KDM7A: variants seen among roughly 807,000 people sequenced by gnomAD.
KDM7A encodes lysine demethylase 7A.
KDM7A carries 28 observed loss-of-function variants against 114.8 expected under a neutral mutation model. That is an observed-to-expected ratio of 0.24 (90% CI 0.18 to 0.33). The LOEUF (loss-of-function observed/expected upper bound fraction) is 0.33, where lower values mean the gene tolerates loss of function less well. Ranked by LOEUF, KDM7A falls within the 10% of genes least tolerant of loss-of-function variation. KDM7A has a pLI of 1.00. For missense variants in KDM7A, 942 were observed against 1,142.5 expected (o/e 0.82, Z 2.53); for synonymous variants, 423 against 397.8 (o/e 1.06, Z -0.75).
At chr7:140,128,682 T>C (rs1233576262) in intron 4 of KDM7A, among the ~76,000 whole-genome samples, 2 of 152,234 alleles carry the variant, frequency 1.3e-5, no homozygotes, top group African/African-American at 4.8e-5. Flanking sequence ...TCAATGAGAA[T>C]TGTCAACCAA....
At position 140,162,492 on chromosome 7, in the gene KDM7A, A is replaced by T. The variant is rs377692060; in HGVS notation, c.194+14252T>A. Among the ~76,000 whole-genome samples the T allele has an allele frequency of 2.0e-5, 3 of 152,328 alleles. No individual in the cohort carries two copies. The South Asian group carries it at 6.2e-4, about 32-fold the overall frequency. On this transcript the variant is annotated intron_variant, in intron 1 of 19. Coordinates refer to ENST00000397560, the MANE Select transcript of KDM7A (RefSeq NM_030647.2). ...AGACTGTTTTATCCCTCTTCCCCAT[A>T]ATAAAATATAAACTGGACATAAGAT...
intron 1 of KDM7A, among the ~76,000 whole-genome samples, chr7:140,141,568 A>G (rs973505840): frequency 2.6e-5 from 4 of 152,116 alleles, no homozygotes; most frequent in African/African-American, 9.7e-5. Context: ...CTCTATATCA[A>G]TATCTTATAT....
At chr7:140,102,528 G>A (rs1421498988) in intron 11 of KDM7A, among the ~76,000 whole-genome samples, 1 of 152,070 alleles carries the variant, frequency 6.6e-6, no homozygotes, top group Non-Finnish European at 1.5e-5. Context: ...GACTACAGGC[G>A]CACGCCACTG....
At chr7:140,112,930 T>A (rs1818456316) in intron 10 of KDM7A, among the ~76,000 whole-genome samples, 1 of 152,238 alleles carries the variant, frequency 6.6e-6, no homozygotes, top group Non-Finnish European at 1.5e-5. Flanking sequence ...GGAAAGCTCA[T>A]GCTTGAAATT....
intron 9 of KDM7A, among the ~76,000 whole-genome samples, chr7:140,116,274 A>ATG (rs1818528463): frequency 7.1e-6 from 1 of 141,692 alleles, no homozygotes; most frequent in Admixed American, 7.0e-5. Flanking sequence ...GTGTGTGTGT[A>ATG]TATCATAGTA....
intron 10 of KDM7A, among the ~76,000 whole-genome samples, chr7:140,112,708 A>G (rs1420807007): frequency 7.5e-6 from 1 of 133,950 alleles, no homozygotes; most frequent in East Asian, 1.9e-4. Flanking sequence ...CCATGGAGTT[A>G]TAATAAAGAT....
rs748514220 is a variant in KDM7A, at chr7:140,102,094, T to C, written c.1495A>G (p.Asn499Asp). The C allele has an allele frequency of 3.1e-6, 5 of 1,614,078 alleles. No homozygotes were observed. Among genetic ancestry groups the C allele is most frequent in the Admixed American group, 3.3e-5 (2 of 60,010 alleles). The change falls in exon 12 of 20, where the codon AAT (asparagine) becomes GAT (aspartate). Residue 499 changes from asparagine (N) to aspartate (D), a missense_variant. This residue lies in a region of KDM7A where 512 missense variants were observed against 576.6 expected (regional missense o/e 0.89). Transcript: ENST00000397560. ...GAATGGTATGGGGAAGTTGCTTCAT[T>C]TGAGGATCGTGAAACTGGACACACA... ...PIVCPVSRSS[N>D]EATSPYHSRR...
At chr7:140,108,937 C>T (rs963451135) in intron 11 of KDM7A, among the ~76,000 whole-genome samples, 2 of 152,204 alleles carry the variant, frequency 1.3e-5, no homozygotes, top group Non-Finnish European at 1.5e-5. Context: ...AGCTTCCTGG[C>T]TGCTTCATTT....
intron 11 of KDM7A, among the ~76,000 whole-genome samples, chr7:140,106,936 T>G (rs1231137966): frequency 6.6e-6 from 1 of 152,214 alleles, no homozygotes; most frequent in Non-Finnish European, 1.5e-5. Flanking sequence ...TTTTTGTAGG[T>G]CTCTAAGGAC....
At chr7:140,100,242 G>C (rs1818179299) in intron 12 of KDM7A, among the ~76,000 whole-genome samples, 1 of 152,172 alleles carries the variant, frequency 6.6e-6, no homozygotes, top group Non-Finnish European at 1.5e-5. Context: ...ACCATGAAAT[G>C]CATTCTAGAA....
intron 11 of KDM7A, among the ~76,000 whole-genome samples, chr7:140,107,325 T>G (rs1181795608): frequency 6.6e-6 from 1 of 152,232 alleles, no homozygotes; most frequent in African/African-American, 2.4e-5. Context: ...TGATGTTAGC[T>G]GCTTATTTTG....
At chr7:140,175,166 G>A (rs917690140) in intron 1 of KDM7A, among the ~76,000 whole-genome samples, 2 of 152,202 alleles carry the variant, frequency 1.3e-5, no homozygotes, top group African/African-American at 4.8e-5. Context: ...ATAATTTACT[G>A]TGTCTTGTTT....
intron 1 of KDM7A, among the ~76,000 whole-genome samples, chr7:140,141,229 G>C (rs1301173439): frequency 6.6e-6 from 1 of 152,184 alleles, no homozygotes; most frequent in African/African-American, 2.4e-5. Flanking sequence ...TCCTCAAAGT[G>C]ATTTATAGAT....
At chr7:140,122,695 A>G (rs1818634846) in intron 7 of KDM7A, among the ~76,000 whole-genome samples, 1 of 152,144 alleles carries the variant, frequency 6.6e-6, no homozygotes, top group Admixed American at 6.5e-5. Flanking sequence ...TTACATCTCA[A>G]AATGAGAGGC....
chr7:140,154,732 TTCTC>T (rs779082288), intron 1 of KDM7A, among the ~76,000 whole-genome samples: 4 of 151,582 alleles, frequency 2.6e-5, no homozygotes, highest in African/African-American at 4.8e-5. Context: ...CCTCGGGTCT[TTCTC>T]TCTCTCTCTC....
intron 1 of KDM7A, among the ~76,000 whole-genome samples, chr7:140,172,897 T>C (rs1489967781): frequency 2.6e-5 from 4 of 152,226 alleles, no homozygotes; most frequent in Admixed American, 1.3e-4. Context: ...TGGTAATCAC[T>C]GGAAGACATG....
At position 140,096,782 on chromosome 7, in the gene KDM7A, A is replaced by C. The variant is rs753329467; in HGVS notation, c.2166-19T>G. 1 of 1,607,066 alleles carries C rather than the reference A, an allele frequency of 6.2e-7. No individual in the cohort carries two copies. The highest frequency in any genetic ancestry group is 8.5e-7 in the Non-Finnish European group (1 of 1,175,784). ...ACATTCCCTAAAGAAGAGATGATCC[A>C]AAAACACAAGAGTCTATTTTTTCTG... is the stretch of plus-strand genomic sequence containing the variant. On this transcript the variant is annotated intron_variant, in intron 16 of 19. Transcript: ENST00000397560.
chr7:140,090,550 C>T lies in KDM7A; in HGVS notation c.*544G>A, dbSNP rs1818000950. The T allele has an allele frequency of 6.6e-6, 1 of 152,162 alleles. No homozygotes were observed. The highest frequency in any genetic ancestry group is 1.5e-5 in the Non-Finnish European group (1 of 68,052). 9.4% of individuals were successfully genotyped at this position (152,162 alleles called of 1,614,324 possible). ...TAATGCATCAAATCCCTGTTTAAGA[C>T]TTTAACCTGAATATCAAATTTAAGA... On this transcript the variant is annotated 3_prime_UTR_variant, in exon 20 of 20. Transcript: ENST00000397560.
intron 2 of KDM7A, among the ~76,000 whole-genome samples, chr7:140,136,722 A>T (rs987092277): frequency 2.0e-5 from 3 of 152,206 alleles, no homozygotes; most frequent in Non-Finnish European, 4.4e-5. Context: ...CAAGTAAGAC[A>T]GGCCTAAGAG....
Sources: gnomAD v4.1 joint callset for allele counts (sites outside exome capture counted in the v4.1 genomes callset) on GRCh38, gnomAD v4.1.1 for gene constraint, gnomAD v4.1.1 regional missense constraint, MANE v1.5 for transcripts, NCBI Gene and HGNC (gene_info 2026-07-23, HGNC 2026-07-21) for gene names.